The following MRGPRX2 variants were observed in gnomAD, a reference collection of about 807,000 sequenced individuals.
MRGPRX2 encodes mas-related G protein-coupled receptor member X2.
For synonymous variants in MRGPRX2, 183 were observed against 175.6 expected (o/e 1.04, Z -0.33); for missense variants, 389 against 404.5 (o/e 0.96, Z 0.33).
At chr11:19,057,731 T>C (rs952764714) in intron 1 of MRGPRX2, among the ~76,000 whole-genome samples, 1 of 152,238 alleles carries the variant, frequency 6.6e-6, no homozygotes, top group Non-Finnish European at 1.5e-5. Flanking sequence ...GGGTGAATAA[T>C]AGCAGCTGGC....
chr11:19,055,977 G>A lies in MRGPRX2; in HGVS notation c.426C>T (p.Pro142=), dbSNP rs762690542. ...CACACACGACCGCTGACAGGTGTCT[G>A]GGGCGGCGGCAGCGATACCAGATGG... ...LWPIWYRCRR[P]RHLSAVVCVL... Residue 142 remains proline (P), a synonymous_variant, in exon 2 of 2, where the codon CCC becomes CCT. Transcript: ENST00000329773. 30 of 1,614,104 alleles carry A rather than the reference G, an allele frequency of 1.9e-5. No homozygotes were observed. The African/African-American group carries it at 2.9e-4, about 16-fold the overall frequency.
At chr11:19,057,208 T>C (rs1282893708) in intron 1 of MRGPRX2, among the ~76,000 whole-genome samples, 1 of 151,988 alleles carries the variant, frequency 6.6e-6, no homozygotes, top group South Asian at 2.1e-4. Context: ...AAAACACACA[T>C]GTAAAGAAAT....
rs745490547 is a variant in MRGPRX2, at chr11:19,056,155, A to G, written c.248T>C (p.Ile83Thr). 1.2e-5 allele frequency: 20 copies of G among 1,614,118 alleles called. No homozygotes were observed. The highest frequency in any genetic ancestry group is 1.7e-5 in the Admixed American group (1 of 60,012). ...GADFLFLCFQIINCLVYLSNF... is the reference protein window; with the variant it reads ...GADFLFLCFQTINCLVYLSNF... ...ACTGAGGTACACCAGGCAATTTATA[A>G]TCTGGAAGCAGAGGAAGAGGAAGTC... Residue 83 changes from isoleucine to threonine, a missense_variant, in exon 2 of 2, where the codon ATT (isoleucine) becomes ACT (threonine). Physicochemically the swap from Ile to Thr is moderately conservative, Grantham distance 89. Transcript: ENST00000329773.
intron 1 of MRGPRX2, among the ~76,000 whole-genome samples, chr11:19,059,042 A>G (rs1253485683): frequency 3.3e-5 from 5 of 152,210 alleles, no homozygotes; most frequent in Non-Finnish European, 5.9e-5. Flanking sequence ...CCAGGTGAGC[A>G]CAGATGCTAA....
In MRGPRX2 at chr11:19,055,459, C is replaced by T. The variant is rs1287169644; in HGVS notation, c.944G>A (p.Gly315Glu). 5 of 1,612,644 alleles carry T rather than the reference C, an allele frequency of 3.1e-6. No individual in the cohort carries two copies. The highest frequency in any genetic ancestry group is 4.2e-6 in the Non-Finnish European group (5 of 1,178,800). The change falls in exon 2 of 2, where the codon GGA becomes GAA. Residue 315 changes from glycine (G) to glutamate (E), a missense_variant. Coordinates refer to ENST00000329773, the MANE Select transcript of MRGPRX2 (RefSeq NM_054030.4). ...QDIAEVDHSE[G>E]CFRQGTPEMS... ...CTCCGGGGTGCCCTGACGGAAGCATCCTTCACTGTGATCCACCTCAGCAAT... is the reference window on the plus strand; with the variant it reads ...CTCCGGGGTGCCCTGACGGAAGCATTCTTCACTGTGATCCACCTCAGCAAT...
Position 19,055,858 on chromosome 11 carries a change from G to T in MRGPRX2, c.545C>A (p.Thr182Lys). Residue 182 changes from threonine (T) to lysine (K), a missense_variant, in exon 2 of 2, where the codon ACA becomes AAA. By Grantham distance (78) the Thr-to-Lys change is moderately conservative. Coordinates refer to ENST00000329773, the MANE Select transcript of MRGPRX2 (RefSeq NM_054030.4). Reference sequence around the variant, plus strand: ...CCACGCTGCAGTGATGAAATCAAATGTCTGACACCAACCAGAGTCACCATC... The same window carrying T: ...CCACGCTGCAGTGATGAAATCAAATTTCTGACACCAACCAGAGTCACCATC... ...FSDGDSGWCQ[T>K]FDFITAAWLI... The T allele has an allele frequency of 6.2e-7, 1 of 1,614,066 alleles. No individual in the cohort carries two copies. Among genetic ancestry groups the T allele is most frequent in the Non-Finnish European group, 8.5e-7 (1 of 1,180,010 alleles).
rs756958099 is a variant in MRGPRX2 at position 19,056,331 on chromosome 11, CAGA to C, written c.69_71del (p.Leu25del). Reference sequence around the variant, plus strand: ...GGATCAGGGTCTCCTTGCCACAAAGCAGAAGAAGGGCTTGGTCATTTCCATTCA... The same window carrying C: ...GGATCAGGGTCTCCTTGCCACAAAGCAGAAGGGCTTGGTCATTTCCATTCA... On this transcript the variant is annotated inframe_deletion, in exon 2 of 2. Coordinates refer to ENST00000329773, the MANE Select transcript of MRGPRX2 (RefSeq NM_054030.4). The C allele has an allele frequency of 3.7e-6, 6 of 1,614,054 alleles. No homozygotes were observed. The highest frequency in any genetic ancestry group is 1.7e-5 in the Admixed American group (1 of 59,998).
rs1448019065 is a variant in MRGPRX2 at position 19,055,820 on chromosome 11, A to G, written c.583T>C (p.Phe195Leu). Residue 195 changes from phenylalanine (F) to leucine (L), a missense_variant, in exon 2 of 2, where the codon TTC (phenylalanine) becomes CTC (leucine). By Grantham distance (22) the Phe-to-Leu change is conservative (BLOSUM62 0). Coordinates refer to ENST00000329773, the MANE Select transcript of MRGPRX2 (RefSeq NM_054030.4). ...FITAAWLIFL[F>L]MVLCGSSLAL... ...AGACTGGACCCACAGAGAACCATGA[A>G]TAAAAAAATCAGCCACGCTGCAGTG... 1 of 1,614,062 alleles carries G rather than the reference A, an allele frequency of 6.2e-7. No individual in the cohort carries two copies. The highest frequency in any genetic ancestry group is 2.2e-5 in the East Asian group (1 of 44,886).
intron 1 of MRGPRX2, among the ~76,000 whole-genome samples, chr11:19,058,596 A>G (rs1849640108): frequency 6.9e-6 from 1 of 145,772 alleles, no homozygotes; most frequent in East Asian, 2.0e-4. Flanking sequence ...AATTTTTTGT[A>G]TTTTTTTTTT....
chr11:19,057,416 T>G (rs894658712), intron 1 of MRGPRX2, among the ~76,000 whole-genome samples: 3 of 152,126 alleles, frequency 2.0e-5, no homozygotes, highest in African/African-American at 7.2e-5. Context: ...TTATCTGAAT[T>G]TCTCTGCATC....
chr11:19,055,783 A>G lies in MRGPRX2; in HGVS notation c.620T>C (p.Val207Ala), dbSNP rs1317504250. The G allele has an allele frequency of 3.7e-6, 6 of 1,614,064 alleles. No homozygotes were observed. The highest frequency in any genetic ancestry group is 5.1e-6 in the Non-Finnish European group (6 of 1,180,044). The change falls in exon 2 of 2, where the codon GTC (valine) becomes GCC (alanine). Residue 207 changes from valine (V) to alanine (A), a missense_variant. By Grantham distance (64) the Val-to-Ala change is moderately conservative. Transcript: ENST00000329773. ...ACCCCTGGAGCCACAGAGGATCCTG[A>G]CCAGCAGGGCCAGACTGGACCCACA... is the stretch of plus-strand genomic sequence containing the variant. ...VLCGSSLALLVRILCGSRGLP... is the reference protein window; with the variant it reads ...VLCGSSLALLARILCGSRGLP...
chr11:19,056,363 T>C lies in MRGPRX2; in HGVS notation c.40A>G (p.Thr14Ala), dbSNP rs754611741. 1 of 1,613,710 alleles carries C rather than the reference T, an allele frequency of 6.2e-7. No individual in the cohort carries two copies. Among genetic ancestry groups the C allele is most frequent in the South Asian group, 1.1e-5 (1 of 91,072 alleles). Residue 14 changes from threonine to alanine, a missense_variant, in exon 2 of 2, where the codon ACA becomes GCA. Physicochemically the swap from Thr to Ala is moderately conservative, Grantham distance 58. Coordinates refer to ENST00000329773, the MANE Select transcript of MRGPRX2 (RefSeq NM_054030.4). ...AGGGCTTGGTCATTTCCATTCACTG[T>C]TGTACTTTCTGTTCCCCAGGCCGGG... Reference protein sequence around the residue: ...TTPAWGTESTTVNGNDQALLL... With the variant: ...TTPAWGTESTAVNGNDQALLL...
intron 1 of MRGPRX2, among the ~76,000 whole-genome samples, chr11:19,058,682 T>C (rs1849641197): frequency 6.6e-6 from 1 of 152,084 alleles, no homozygotes; most frequent in African/African-American, 2.4e-5. Flanking sequence ...CGCCTCGGCC[T>C]CCCAAAGTGC....
In MRGPRX2 at chr11:19,056,371, T is replaced by C; in HGVS notation, c.32A>G (p.Glu11Gly). 3 of 1,612,716 alleles carry C rather than the reference T, an allele frequency of 1.9e-6. No homozygotes were observed. Among genetic ancestry groups the C allele is most frequent in the Non-Finnish European group, 2.5e-6 (3 of 1,178,820 alleles). MDPTTPAWGTESTTVNGNDQA... is the reference protein window; with the variant it reads MDPTTPAWGTGSTTVNGNDQA... ...GTCATTTCCATTCACTGTTGTACTT[T>C]CTGTTCCCCAGGCCGGGGTGGTTGG... The change falls in exon 2 of 2, where the codon GAA (glutamate) becomes GGA (glycine). Residue 11 changes from glutamate (E) to glycine (G), a missense_variant. Transcript: ENST00000329773.
Position 19,055,854 on chromosome 11 carries a change from A to G in MRGPRX2, c.549T>C (p.Phe183=), listed in dbSNP as rs1251597895. The G allele has an allele frequency of 3.1e-6, 5 of 1,614,192 alleles. No homozygotes were observed. Residue 183 remains phenylalanine, a synonymous_variant, in exon 2 of 2, where the codon TTT becomes TTC. Transcript: ENST00000329773. The part of the protein sequence containing the change: ...SDGDSGWCQT[F]DFITAAWLIF... Reference sequence around the variant, plus strand: ...TCAGCCACGCTGCAGTGATGAAATCAAATGTCTGACACCAACCAGAGTCAC... The same window carrying G: ...TCAGCCACGCTGCAGTGATGAAATCGAATGTCTGACACCAACCAGAGTCAC...
At position 19,055,511 on chromosome 11, in the gene MRGPRX2, G is replaced by C. The variant is rs1274736523; in HGVS notation, c.892C>G (p.Leu298Val). 2.5e-6 allele frequency: 4 copies of C among 1,614,086 alleles called. No homozygotes were observed. The highest frequency in any genetic ancestry group is 1.7e-5 in the Admixed American group (1 of 60,008). The part of the protein sequence containing the change: ...QWRLQQPILK[L>V]ALQRALQDIA... ...TCCTGCAGAGCCCTCTGGAGAGCCA[G>C]CTTGAGGATCGGCTGCTGCAGCCGC... The change falls in exon 2 of 2, where the codon CTG becomes GTG. Residue 298 changes from leucine (L) to valine (V), a missense_variant. Physicochemically the swap from Leu to Val is conservative, Grantham distance 32 (BLOSUM62 1). Transcript: ENST00000329773.
intron 1 of MRGPRX2, among the ~76,000 whole-genome samples, chr11:19,058,775 A>C (rs1590040170): frequency 1.3e-5 from 2 of 151,930 alleles, no homozygotes; most frequent in African/African-American, 4.8e-5. Context: ...TACTTCCCTC[A>C]TTAAGCTCAA....
intron 1 of MRGPRX2, among the ~76,000 whole-genome samples, chr11:19,059,430 T>A (rs1590040376): frequency 6.6e-6 from 1 of 152,156 alleles, no homozygotes; most frequent in African/African-American, 2.4e-5. Flanking sequence ...CTATAATAGG[T>A]TTCTTTTTAG....
At position 19,055,697 on chromosome 11, in the gene MRGPRX2, C is replaced by A; in HGVS notation, c.706G>T (p.Gly236Cys). The A allele has an allele frequency of 6.2e-7, 1 of 1,614,134 alleles. No homozygotes were observed. The highest frequency in any genetic ancestry group is 1.6e-4 in the Middle Eastern group (1 of 6,062). Reference sequence around the variant, plus strand: ...AACCACTGAATGCCAAAGGGCAGGCCGCAGAGGAGGAACACCAGCACTGTG... The same window carrying A: ...AACCACTGAATGCCAAAGGGCAGGCAGCAGAGGAGGAACACCAGCACTGTG... ...LLTVLVFLLC[G>C]LPFGIQWFLI... Residue 236 changes from glycine (G) to cysteine (C), a missense_variant, in exon 2 of 2, where the codon GGC (glycine) becomes TGC (cysteine). Coordinates refer to ENST00000329773, the MANE Select transcript of MRGPRX2 (RefSeq NM_054030.4).
Sources: gnomAD v4.1 joint callset for allele counts (sites outside exome capture counted in the v4.1 genomes callset) on GRCh38, gnomAD v4.1.1 for gene constraint, MANE v1.5 for transcripts, NCBI Gene and HGNC (gene_info 2026-07-23, HGNC 2026-07-21) for gene names.